The following CTNNA2 variants were observed in gnomAD, a reference collection of about 807,000 sequenced individuals.
CTNNA2 encodes catenin alpha 2.
Under a neutral mutation model 101.0 loss-of-function variants are expected in CTNNA2, and 42 were observed. The observed-to-expected ratio is 0.42, with a 90% CI of 0.32 to 0.54. The LOEUF (loss-of-function observed/expected upper bound fraction) is 0.54. Among genes scored for constraint, CTNNA2 ranks in the 20% least tolerant of loss-of-function variants. CTNNA2 has a pLI of 0.14. For missense variants in CTNNA2, 871 were observed against 1,223.1 expected (o/e 0.71, Z 4.29); for synonymous variants, 450 against 456.4 (o/e 0.99, Z 0.18).
intron 7 of CTNNA2, among the ~76,000 whole-genome samples, chr2:80,242,720 A>G (rs1671034558): frequency 6.6e-6 from 1 of 152,126 alleles, no homozygotes; most frequent in South Asian, 2.1e-4. Context: ...ATCTCCCCAG[A>G]TGCCTCCCTT....
chr2:79,858,070 A>C lies in CTNNA2; in HGVS notation c.356A>C (p.Lys119Thr). 1 of 1,614,098 alleles carries C rather than the reference A, an allele frequency of 6.2e-7. No homozygotes were observed. The highest frequency in any genetic ancestry group is 8.5e-7 in the Non-Finnish European group (1 of 1,179,962). ...EFADDPCSSV[K>T]RGTMVRAARA... Reference sequence around the variant, plus strand: ...GCAGATGACCCTTGCTCGTCGGTAAAGCGCGGCACCATGGTACGGGCGGCA... The same window carrying C: ...GCAGATGACCCTTGCTCGTCGGTAACGCGCGGCACCATGGTACGGGCGGCA... Residue 119 changes from lysine to threonine, a missense_variant, in exon 4 of 19, where the codon AAG (lysine) becomes ACG (threonine). Lys to Thr is a moderately conservative substitution (Grantham distance 78). Transcript: ENST00000402739.
rs2104315946 is a variant in CTNNA2 at position 79,275,887 on chromosome 2, G to A, written c.-405-36822G>A. Among the ~76,000 whole-genome samples, 4 of 152,050 alleles carry A rather than the reference G, an allele frequency of 2.6e-5. 1 individual carries two copies. The highest frequency in any genetic ancestry group is 2.6e-4 in the Admixed American group (4 of 15,248). ...CAGACATCAAAAAAAAAGATAAGAA[G>A]GAAAATGCATAGAATGTTAGATGTT... On this transcript the variant is annotated intron_variant, in intron 2 of 21. Coordinates refer to the CTNNA2 transcript ENST00000466387.
At chr2:80,646,015 G>T (rs903263151) in intron 18 of CTNNA2, among the ~76,000 whole-genome samples, 7 of 152,080 alleles carry the variant, frequency 4.6e-5, no homozygotes, top group African/African-American at 1.7e-4. Context: ...TTAAATAAGG[G>T]ATATGGAACA....
intron 7 of CTNNA2, among the ~76,000 whole-genome samples, chr2:80,117,876 T>G (rs1027807148): frequency 1.3e-5 from 2 of 152,224 alleles, no homozygotes; most frequent in Non-Finnish European, 2.9e-5. Context: ...GAAAGAAGAC[T>G]GATTGTATTA....
At chr2:79,701,572 A>G (rs1284216046) in intron 2 of CTNNA2, among the ~76,000 whole-genome samples, 1 of 152,184 alleles carries the variant, frequency 6.6e-6, no homozygotes, top group African/African-American at 2.4e-5. Context: ...ACTAGACACA[A>G]TCTCACTGGT....
intron 3 of CTNNA2, among the ~76,000 whole-genome samples, chr2:79,767,045 C>T (rs142803300): frequency 4.6e-4 from 70 of 152,054 alleles, no homozygotes; most frequent in African/African-American, 1.5e-3. Flanking sequence ...TGAGCCACTG[C>T]GCCTGGCCCT....
intron 3 of CTNNA2, among the ~76,000 whole-genome samples, chr2:79,847,287 G>A (rs187202901): frequency 5.3e-5 from 8 of 152,224 alleles, no homozygotes; most frequent in South Asian, 2.1e-4. Context: ...GCTCACGCCT[G>A]TAATCCCAGC....
intron 7 of CTNNA2, among the ~76,000 whole-genome samples, chr2:80,116,786 G>C (rs547109769): frequency 6.6e-6 from 1 of 152,236 alleles, no homozygotes; most frequent in Middle Eastern, 3.4e-3. Flanking sequence ...CAGCCCATCA[G>C]ATAAGTTTTC....
At chr2:79,433,431 A>G (rs147541399) in intron 4 of CTNNA2, among the ~76,000 whole-genome samples, 2 of 152,246 alleles carry the variant, frequency 1.3e-5, no homozygotes, top group East Asian at 3.9e-4. Context: ...GAGAAAGCTG[A>G]TTAGATGCTC....
At chr2:79,295,320 C>T (rs911604842) in intron 2 of CTNNA2, among the ~76,000 whole-genome samples, 1 of 152,086 alleles carries the variant, frequency 6.6e-6, no homozygotes, top group Admixed American at 6.6e-5. Context: ...TAAAATTAAA[C>T]ACCCTGAATT....
chr2:79,417,358 T>C (rs186071965), intron 4 of CTNNA2, among the ~76,000 whole-genome samples: 1 of 152,248 alleles, frequency 6.6e-6, no homozygotes. Context: ...ATTACAAATA[T>C]GGGTGTAAAA....
At chr2:80,042,820 C>G (rs1696156742) in intron 7 of CTNNA2, among the ~76,000 whole-genome samples, 1 of 152,192 alleles carries the variant, frequency 6.6e-6, no homozygotes, top group South Asian at 2.1e-4. Context: ...ATTTCTCTGA[C>G]TCAAAACCTT....
chr2:79,696,391 A>T (rs1684655149), intron 2 of CTNNA2, among the ~76,000 whole-genome samples: 1 of 152,056 alleles, frequency 6.6e-6, no homozygotes, highest in African/African-American at 2.4e-5. Flanking sequence ...CATAACTGGG[A>T]ACTGCAACAG....
chr2:79,892,225 G>C (rs1423041664), intron 6 of CTNNA2, among the ~76,000 whole-genome samples: 3 of 152,074 alleles, frequency 2.0e-5, no homozygotes, highest in Non-Finnish European at 2.9e-5. Context: ...TTATAGAAGA[G>C]TTGTACCAGA....
intron 7 of CTNNA2, among the ~76,000 whole-genome samples, chr2:80,193,344 A>ATT (rs1706642071): frequency 6.6e-6 from 1 of 152,216 alleles, no homozygotes; most frequent in South Asian, 2.1e-4. Context: ...TAGGTGTAAT[A>ATT]GAAGCAAGCT....
At chr2:79,655,855 A>G (rs1005509119) in intron 2 of CTNNA2, among the ~76,000 whole-genome samples, 5 of 152,054 alleles carry the variant, frequency 3.3e-5, no homozygotes, top group Admixed American at 6.6e-5. Flanking sequence ...TGTCTTTTTC[A>G]TATACCTTTT....
At chr2:79,680,217 T>A (rs1683468314) in intron 2 of CTNNA2, among the ~76,000 whole-genome samples, 1 of 152,062 alleles carries the variant, frequency 6.6e-6, no homozygotes, top group Admixed American at 6.6e-5. Context: ...ATTTAGAGAT[T>A]TATCTTCCCT....
At chr2:80,009,726 C>CTGTGTCTGTGTGTG (rs1693632657) in intron 7 of CTNNA2, among the ~76,000 whole-genome samples, 1 of 147,804 alleles carries the variant, frequency 6.8e-6, no homozygotes, top group Non-Finnish European at 1.5e-5. Context: ...TGGTGTGTGT[C>CTGTGTCTGTGTGTG]TGTGTGTGTG....
chr2:79,763,476 C>G (rs1041168148), intron 3 of CTNNA2, among the ~76,000 whole-genome samples: 1 of 152,100 alleles, frequency 6.6e-6, no homozygotes, highest in African/African-American at 2.4e-5. Context: ...TTCACCTTGA[C>G]AATCGGTATT....
Sources: gnomAD v4.1 joint callset for allele counts (sites outside exome capture counted in the v4.1 genomes callset) on GRCh38, gnomAD v4.1.1 for gene constraint, MANE v1.5 for transcripts, NCBI Gene and HGNC (gene_info 2026-07-23, HGNC 2026-07-21) for gene names.